The following SLC37A3 variants were observed in gnomAD, a reference collection of about 807,000 sequenced individuals.
SLC37A3 encodes sugar phosphate exchanger 3.
In SLC37A3, 51 loss-of-function variants were observed where a neutral mutation model predicts 67.1. The observed-to-expected ratio is 0.76, with a 90% CI of 0.61 to 0.96. SLC37A3 has a LOEUF of 0.96. Among genes scored for constraint, SLC37A3 ranks in the 40% least tolerant of loss-of-function variants. The pLI is 0.00. For missense variants in SLC37A3, 508 were observed against 603.0 expected (o/e 0.84, Z 1.65); for synonymous variants, 214 against 231.4 (o/e 0.92, Z 0.68).
intron 1 of SLC37A3, among the ~76,000 whole-genome samples, chr7:140,397,147 C>T (rs1308702499): frequency 2.8e-5 from 4 of 141,408 alleles, no homozygotes; most frequent in African/African-American, 1.0e-4. Flanking sequence ...TTGCAGTGAG[C>T]CGAGATGGTG....
intron 13 of SLC37A3, among the ~76,000 whole-genome samples, chr7:140,338,079 A>T (rs1197707014): frequency 2.0e-5 from 3 of 151,884 alleles, no homozygotes; most frequent in Admixed American, 2.0e-4. Flanking sequence ...TTTAGTAGAG[A>T]TGGGTTTTCA....
At chr7:140,337,626 C>A (rs1043426792) in intron 13 of SLC37A3, 3 of 257,566 alleles carry the variant, frequency 1.2e-5, no homozygotes, top group African/African-American at 6.7e-5. Flanking sequence ...AGATGAACAT[C>A]CGCAAGCCAC....
At chr7:140,391,120 C>G (rs1213699453) in intron 1 of SLC37A3, among the ~76,000 whole-genome samples, 1 of 152,188 alleles carries the variant, frequency 6.6e-6, no homozygotes, top group Admixed American at 6.6e-5. Flanking sequence ...CGATTTCACA[C>G]TTCTCTTTTT....
At chr7:140,382,159 G>C (rs1215329856) in intron 2 of SLC37A3, among the ~76,000 whole-genome samples, 3 of 151,732 alleles carry the variant, frequency 2.0e-5, no homozygotes, top group Non-Finnish European at 4.4e-5. Context: ...TCCTGTGCAT[G>C]GGAGGACGTT....
At chr7:140,346,453 T>A (rs912488324) in intron 10 of SLC37A3, among the ~76,000 whole-genome samples, 5 of 152,030 alleles carry the variant, frequency 3.3e-5, no homozygotes, top group Non-Finnish European at 7.4e-5. Flanking sequence ...GTCTGTTAAA[T>A]CACCATGATG....
Position 140,348,816 on chromosome 7 carries a change from G to A in SLC37A3, c.883-49C>T, listed in dbSNP as rs763454855. The A allele has an allele frequency of 2.0e-5, 32 of 1,589,324 alleles. No homozygotes were observed. In the East Asian group the frequency reaches 5.2e-4, roughly 26 times the overall value. On this transcript the variant is annotated intron_variant, in intron 9 of 14. Coordinates refer to ENST00000326232, the MANE Select transcript of SLC37A3 (RefSeq NM_207113.3). ...CAGCGAGGGACAAATAGCACAGCAC[G>A]ACTACCATTTTTAATGTCATTTAAA... is the stretch of plus-strand genomic sequence containing the variant.
rs562605710 is a variant in SLC37A3, at chr7:140,381,670, G to A, written c.89+768C>T. On this transcript the variant is annotated intron_variant, in intron 2 of 14. Coordinates refer to ENST00000326232, the MANE Select transcript of SLC37A3 (RefSeq NM_207113.3). Reference sequence around the variant, plus strand: ...CACCCAATGGCCTGATGTATGCTATGTTACTAAGAGAACCACTTAAGATCA... The same window carrying A: ...CACCCAATGGCCTGATGTATGCTATATTACTAAGAGAACCACTTAAGATCA... 3.9e-5 allele frequency among the ~76,000 whole-genome samples: 6 copies of A among 152,094 alleles called. No homozygotes were observed. In the Middle Eastern group the frequency reaches 0.01, roughly 259 times the overall value.
chr7:140,377,835 G>A (rs542159515), intron 3 of SLC37A3, among the ~76,000 whole-genome samples: 17 of 152,106 alleles, frequency 1.1e-4, no homozygotes, highest in African/African-American at 3.6e-4. Flanking sequence ...GTTCAAGTAC[G>A]GCCTGGGCAA....
intron 1 of SLC37A3, among the ~76,000 whole-genome samples, chr7:140,397,159 C>T (rs1338816889): frequency 7.1e-6 from 1 of 140,748 alleles, no homozygotes; most frequent in African/African-American, 2.6e-5. Flanking sequence ...GAGATGGTGC[C>T]ACGGCACTCC....
At chr7:140,394,711 C>A (rs922852913) in intron 1 of SLC37A3, among the ~76,000 whole-genome samples, 1 of 151,062 alleles carries the variant, frequency 6.6e-6, no homozygotes, top group Non-Finnish European at 1.5e-5. Flanking sequence ...CAGGTTCATG[C>A]GATTCTTCTG....
At chr7:140,376,652 T>C (rs1798042526) in intron 3 of SLC37A3, among the ~76,000 whole-genome samples, 4 of 152,164 alleles carry the variant, frequency 2.6e-5, no homozygotes, top group African/African-American at 9.7e-5. Flanking sequence ...AAGGGCTTCC[T>C]CAAAGTGGTG....
At chr7:140,345,569 T>C (rs1045678774) in intron 11 of SLC37A3, among the ~76,000 whole-genome samples, 2 of 152,202 alleles carry the variant, frequency 1.3e-5, no homozygotes, top group African/African-American at 4.8e-5. Flanking sequence ...TCCCTTTTTA[T>C]TGTTTTATTG....
At chr7:140,366,577 A>T (rs1040147757) in intron 4 of SLC37A3, among the ~76,000 whole-genome samples, 2 of 152,156 alleles carry the variant, frequency 1.3e-5, no homozygotes, top group Non-Finnish European at 2.9e-5. Flanking sequence ...GAAACTAAAC[A>T]CCAAAAAAAG....
intron 5 of SLC37A3, among the ~76,000 whole-genome samples, chr7:140,362,029 A>T (rs1457972067): frequency 8.3e-6 from 1 of 121,156 alleles, no homozygotes; most frequent in Non-Finnish European, 1.8e-5. Flanking sequence ...GGATATGAGG[A>T]GCCTCTCTGC....
At position 140,351,338 on chromosome 7, in the gene SLC37A3, T is replaced by C; in HGVS notation, c.817A>G (p.Ser273Gly). Reference sequence around the variant, plus strand: ...ATCGCCTTGACTTGGGCAACAGAACTATCATCTTGGATTGAATAATTCGGC... The same window carrying C: ...ATCGCCTTGACTTGGGCAACAGAACCATCATCTTGGATTGAATAATTCGGC... ...YEPNYSIQDD[S>G]SVAQVKAISF... The change falls in exon 9 of 15, where the codon AGT becomes GGT. Residue 273 changes from serine to glycine, a missense_variant. Coordinates refer to ENST00000326232, the MANE Select transcript of SLC37A3 (RefSeq NM_207113.3). 1.9e-6 allele frequency: 3 copies of C among 1,614,188 alleles called. No homozygotes were observed. The highest frequency in any genetic ancestry group is 2.5e-6 in the Non-Finnish European group (3 of 1,180,030).
At chr7:140,374,272 C>T (rs1341070500) in intron 3 of SLC37A3, among the ~76,000 whole-genome samples, 1 of 151,904 alleles carries the variant, frequency 6.6e-6, no homozygotes, top group African/African-American at 2.4e-5. Flanking sequence ...CAAGACAGGT[C>T]GATCGCTTGA....
At chr7:140,387,846 T>TATATTGTATATATTATATATAAATATAA (rs1798561981) in intron 1 of SLC37A3, among the ~76,000 whole-genome samples, 1 of 17,096 alleles carries the variant, frequency 5.8e-5, no homozygotes, top group African/African-American at 2.2e-4. Context: ...TATAAACATA[T>TATATTGTATATATTATATATAAATATAA]ATATATTAGT....
intron 6 of SLC37A3, among the ~76,000 whole-genome samples, chr7:140,357,305 T>C (rs568067372): frequency 6.6e-5 from 10 of 152,192 alleles, no homozygotes; most frequent in Non-Finnish European, 1.0e-4. Context: ...TGAAAGCATA[T>C]GTCCACACAA....
Position 140,335,275 on chromosome 7 carries a change from G to A in SLC37A3, c.*137C>T, listed in dbSNP as rs927907116. ...CCTTCACTGCTGGTCAGCATCTCAG[G>A]TGGCTGGCAGTGTTGAGAGACGCCT... is the stretch of plus-strand genomic sequence containing the variant. On this transcript the variant is annotated 3_prime_UTR_variant, in exon 15 of 15. Transcript: ENST00000326232. The A allele has an allele frequency of 1.2e-6, 2 of 1,614,014 alleles. No homozygotes were observed. Among genetic ancestry groups the A allele is most frequent in the African/African-American group, 2.7e-5 (2 of 74,920 alleles).
Sources: allele counts gnomAD v4.1 joint callset (sites outside exome capture counted in the v4.1 genomes callset), GRCh38; gene constraint gnomAD v4.1.1; transcripts MANE v1.5; gene names NCBI Gene and HGNC (gene_info 2026-07-23, HGNC 2026-07-21).